WWC2: variants seen among roughly 807,000 people sequenced by gnomAD.
WWC2 encodes the protein protein WWC2.
A neutral mutation model predicts 138.5 loss-of-function variants in WWC2; 101 were observed. The observed-to-expected ratio is 0.73, with a 90% CI of 0.62 to 0.86. The LOEUF (loss-of-function observed/expected upper bound fraction) is 0.86, where lower values mean the gene tolerates loss of function less well. Ranked by LOEUF, WWC2 falls within the 40% of genes least tolerant of loss-of-function variation. WWC2 has a pLI of 0.00. For synonymous variants in WWC2, 558 were observed against 538.4 expected (o/e 1.04, Z -0.50); for missense variants, 1,420 against 1,419.4 (o/e 1.00, Z -0.01).
chr4:183,105,467 A>C (rs1006616151), intron 1 of WWC2, among the ~76,000 whole-genome samples: 4 of 152,194 alleles, frequency 2.6e-5, no homozygotes, highest in Non-Finnish European at 5.9e-5. Context: ...CCGATGCAGG[A>C]GTTACTAAAT....
chr4:183,147,685 C>A (rs1301580648), intron 1 of WWC2, among the ~76,000 whole-genome samples: 1 of 152,110 alleles, frequency 6.6e-6, no homozygotes, highest in African/African-American at 2.4e-5. Flanking sequence ...AACTTTCTGG[C>A]CTTTTTCATT....
At position 183,224,550 on chromosome 4, in the gene WWC2, G is replaced by GTTTTATTTTTGT. The variant is rs151261713; in HGVS notation, c.522+15529_522+15530insATTTTTGTTTTT. ...CCAACAGAGTTGAGGTTTTTGTTTA[G>GTTTTATTTTTGT]TTTTGTTTTTGTTTTTTGTTTATTT... is the stretch of plus-strand genomic sequence containing the variant. On this transcript the variant is annotated intron_variant, in intron 4 of 22. Transcript: ENST00000403733. Among the ~76,000 whole-genome samples the GTTTTATTTTTGT allele has an allele frequency of 3.1e-3, 473 of 151,808 alleles. 3 individuals are homozygous for GTTTTATTTTTGT. Among genetic ancestry groups the GTTTTATTTTTGT allele is most frequent in the African/African-American group, 0.011 (443 of 41,356 alleles).
intron 21 of WWC2, among the ~76,000 whole-genome samples, chr4:183,306,600 G>A (rs1231745434): frequency 6.6e-6 from 1 of 151,184 alleles, no homozygotes; most frequent in Non-Finnish European, 1.5e-5. Context: ...ATGGAGTCTC[G>A]CTCTGTCACC....
At chr4:183,226,777 A>G (rs1736088315) in intron 4 of WWC2, among the ~76,000 whole-genome samples, 1 of 152,072 alleles carries the variant, frequency 6.6e-6, no homozygotes, top group Admixed American at 6.5e-5. Flanking sequence ...TTCAGTGGAC[A>G]ATATGTCCAC....
chr4:183,108,232 C>T (rs1579943317), intron 1 of WWC2, among the ~76,000 whole-genome samples: 2 of 152,162 alleles, frequency 1.3e-5, no homozygotes, highest in East Asian at 1.9e-4. Context: ...ACCTGACAAG[C>T]GCTGCCTCCA....
Position 183,207,960 on chromosome 4 carries a change from G to A in WWC2, c.249G>A (p.Thr83=), listed in dbSNP as rs747562329. Reference sequence around the variant, plus strand: ...TCCACCTAATGTTTTCAGAAACCACGCAGATAGAAGATCCAAGAAAACAAT... The same window carrying A: ...TCCACCTAATGTTTTCAGAAACCACACAGATAGAAGATCCAAGAAAACAAT... ...VYYIDHINKT[T]QIEDPRKQWR... is the part of the protein sequence containing the mutation. The change falls in exon 3 of 23, where the codon ACG becomes ACA. Residue 83 remains threonine (T), a synonymous_variant. Transcript: ENST00000403733. 23 of 1,607,118 alleles carry A rather than the reference G, an allele frequency of 1.4e-5. No individual in the cohort carries two copies. Among genetic ancestry groups the A allele is most frequent in the South Asian group, 1.2e-4 (11 of 89,860 alleles).
At chr4:183,099,737 G>T in intron 1 of WWC2, 115 bp downstream of exon 1, 1 of 1,052,390 alleles carries the variant, frequency 9.5e-7, no homozygotes, top group Non-Finnish European at 1.2e-6. Context: ...GAGGGGTCCC[G>T]GGAGGGATGT....
chr4:183,265,663 G>A (rs376063397), intron 12 of WWC2, 25 bp from the exon 13 acceptor site: 16 of 1,591,796 alleles, frequency 1.0e-5, no homozygotes, highest in Non-Finnish European at 1.3e-5. Context: ...TTAATTAACT[G>A]TTCATCTACT....
Position 183,280,830 on chromosome 4 carries a change from C to A in WWC2, c.2617C>A (p.Gln873Lys), listed in dbSNP as rs747425130. The A allele has an allele frequency of 6.3e-6, 10 of 1,599,254 alleles. No individual in the cohort carries two copies. In the East Asian group the frequency reaches 2.2e-4, roughly 36 times the overall value. ...ATCAGCTGAGTTGTTAGCTGTGGAA[C>A]AAGAATTAGCACAAGAAGAAGAAGA... ...RTSAELLAVE[Q>K]ELAQEEEEES... The change falls in exon 17 of 23, where the codon CAA (glutamine) becomes AAA (lysine). Residue 873 changes from glutamine (Q) to lysine (K), a missense_variant. Coordinates refer to ENST00000403733, the MANE Select transcript of WWC2 (RefSeq NM_024949.6).
intron 21 of WWC2, among the ~76,000 whole-genome samples, chr4:183,290,243 G>A (rs1050177974): frequency 1.3e-5 from 2 of 152,124 alleles, no homozygotes; most frequent in African/African-American, 2.4e-5. Flanking sequence ...TTGGCTGGGC[G>A]CAGTGGCTCA....
chr4:183,281,750 T>G (rs549509971), intron 17 of WWC2, among the ~76,000 whole-genome samples: 15 of 152,186 alleles, frequency 9.9e-5, no homozygotes, highest in Non-Finnish European at 2.2e-4. Context: ...TTTGTCCTTA[T>G]AAAAAGTCCT....
At chr4:183,249,403 A>C (rs1344735431) in intron 7 of WWC2, among the ~76,000 whole-genome samples, 2 of 152,166 alleles carry the variant, frequency 1.3e-5, no homozygotes, top group East Asian at 3.8e-4. Context: ...ATACATTCCC[A>C]TTTCTTTTCA....
At chr4:183,304,465 A>G (rs13106698) in intron 21 of WWC2, among the ~76,000 whole-genome samples, 43,215 of 151,996 alleles carry the variant, frequency 0.28, 6,386 homozygotes, top group African/African-American at 0.31. Context: ...CCTGATTCTG[A>G]CAGAGGGAGG....
At chr4:183,286,304 T>G (rs1292877752) in intron 20 of WWC2, among the ~76,000 whole-genome samples, 1 of 152,078 alleles carries the variant, frequency 6.6e-6, no homozygotes, top group Non-Finnish European at 1.5e-5. Flanking sequence ...GCGGTTTCAG[T>G]ATCTCTGGAG....
intron 22 of WWC2, among the ~76,000 whole-genome samples, chr4:183,314,417 C>T (rs1479750664): frequency 1.3e-5 from 2 of 152,194 alleles, no homozygotes; most frequent in African/African-American, 2.4e-5. Flanking sequence ...CATATTATAT[C>T]ACCAGGGAAG....
At chr4:183,292,060 G>T (rs892946954) in intron 21 of WWC2, among the ~76,000 whole-genome samples, 1 of 151,338 alleles carries the variant, frequency 6.6e-6, no homozygotes, top group East Asian at 1.9e-4. Context: ...ACTAGGCATG[G>T]TGGCATGCAC....
At chr4:183,208,770 A>G (rs1332554254) in intron 3 of WWC2, among the ~76,000 whole-genome samples, 179 bp from the exon 4 acceptor site, 1 of 152,212 alleles carries the variant, frequency 6.6e-6, no homozygotes, top group Admixed American at 6.5e-5. Context: ...GTTAAAAAAA[A>G]TGGTAGAGGT....
intron 4 of WWC2, among the ~76,000 whole-genome samples, chr4:183,237,097 C>T (rs1255412201): frequency 4.6e-5 from 7 of 152,144 alleles, no homozygotes; most frequent in South Asian, 2.1e-4. Context: ...AGAAAGTTTA[C>T]GAATTTGTGT....
chr4:183,304,768 C>G (rs1738969163), intron 21 of WWC2, among the ~76,000 whole-genome samples: 1 of 152,190 alleles, frequency 6.6e-6, no homozygotes, highest in Non-Finnish European at 1.5e-5. Flanking sequence ...AGAACACTTG[C>G]CTTCTTTACC....
Sources: allele counts gnomAD v4.1 joint callset (sites outside exome capture counted in the v4.1 genomes callset), GRCh38; gene constraint gnomAD v4.1.1; transcripts MANE v1.5; gene names NCBI Gene and HGNC (gene_info 2026-07-23, HGNC 2026-07-21).